Variants in HUNK observed in about 807,000 individuals in gnomAD.
HUNK encodes the protein hormonally up-regulated neu tumor-associated kinase.
A neutral mutation model predicts 61.0 loss-of-function variants in HUNK; 21 were observed. The ratio of observed to expected loss-of-function variants is 0.34; its 90% confidence interval spans 0.24 to 0.50. The LOEUF (loss-of-function observed/expected upper bound fraction) is 0.50. HUNK is among the 20% of genes least tolerant of loss of function. The pLI is 0.98. For synonymous variants in HUNK, 371 were observed against 386.1 expected (o/e 0.96, Z 0.46); for missense variants, 772 against 945.7 (o/e 0.82, Z 2.41).
intron 4 of HUNK, among the ~76,000 whole-genome samples, chr21:31,951,662 A>AG: frequency 6.6e-6 from 1 of 152,266 alleles, no homozygotes; most frequent in Admixed American, 6.5e-5. Context: ...GGAAAAAAAA[A>AG]TCCCTGTCTC....
At chr21:31,982,328 G>A (rs568740606) in intron 7 of HUNK, among the ~76,000 whole-genome samples, 10 of 152,280 alleles carry the variant, frequency 6.6e-5, no homozygotes, top group African/African-American at 1.7e-4. Flanking sequence ...GTTTTTAACT[G>A]GAGTGAATTA....
At chr21:31,898,880 G>A (rs960152319) in intron 1 of HUNK, among the ~76,000 whole-genome samples, 2 of 152,162 alleles carry the variant, frequency 1.3e-5, no homozygotes, top group Non-Finnish European at 2.9e-5. Flanking sequence ...CAAAGCATCC[G>A]ATCAATATGC....
intron 1 of HUNK, among the ~76,000 whole-genome samples, chr21:31,921,079 G>A (rs936649052): frequency 6.7e-6 from 1 of 149,770 alleles, no homozygotes; most frequent in Non-Finnish European, 1.5e-5. Context: ...TTGAACCCGG[G>A]AGGCAGAGGT....
At chr21:31,973,140 ATTTATTATACT>A (rs919160969) in intron 6 of HUNK, among the ~76,000 whole-genome samples, 12 of 151,682 alleles carry the variant, frequency 7.9e-5, no homozygotes, top group African/African-American at 2.9e-4. Flanking sequence ...CTTTTTATTT[ATTTATTATACT>A]TTTATTATAC....
intron 8 of HUNK, among the ~76,000 whole-genome samples, chr21:31,987,349 T>G (rs930583642): frequency 1.3e-5 from 2 of 152,188 alleles, no homozygotes; most frequent in Admixed American, 6.5e-5. Context: ...CCTCGTGCTT[T>G]GCATGTCACT....
chr21:31,925,738 A>C (rs2052655153), intron 2 of HUNK, among the ~76,000 whole-genome samples: 1 of 152,200 alleles, frequency 6.6e-6, no homozygotes, highest in Non-Finnish European at 1.5e-5. Context: ...CGTTCTTGGC[A>C]ATGTTGCCAT....
intron 9 of HUNK, 27 bp from the exon 10 acceptor site, chr21:31,995,741 G>C (rs746355478): frequency 1.9e-6 from 3 of 1,593,864 alleles, no homozygotes; most frequent in Middle Eastern, 1.7e-4. Flanking sequence ...ATGTGTCTAA[G>C]TGCATATGTT....
Position 31,999,876 on chromosome 21 carries a change from A to T in HUNK, c.*692A>T, listed in dbSNP as rs548114455. On this transcript the variant is annotated 3_prime_UTR_variant, in exon 11 of 11. Coordinates refer to ENST00000270112, the MANE Select transcript of HUNK (RefSeq NM_014586.2). Reference sequence around the variant, plus strand: ...AATGATTGAATTATCTTTTCCAAAGATTTTTTTTAAATGTGATGTCGGTAA... The same window carrying T: ...AATGATTGAATTATCTTTTCCAAAGTTTTTTTTTAAATGTGATGTCGGTAA... 3.9e-5 allele frequency: 11 copies of T among 284,732 alleles called. No individual in the cohort carries two copies. Among genetic ancestry groups the T allele is most frequent in the Admixed American group, 2.6e-4 (5 of 19,402 alleles). The allele number at this position is 284,732 out of a possible 1,614,324, so 17.6% of individuals were successfully genotyped here.
intron 6 of HUNK, among the ~76,000 whole-genome samples, chr21:31,969,180 C>T (rs1179633571): frequency 1.3e-5 from 2 of 151,786 alleles, no homozygotes; most frequent in Non-Finnish European, 2.9e-5. Context: ...CCCGGCCAGT[C>T]CTTGTGTTGT....
intron 1 of HUNK, among the ~76,000 whole-genome samples, chr21:31,892,203 AGAGAGAGTGT>A (rs1568918102): frequency 7.1e-6 from 1 of 140,932 alleles, no homozygotes; most frequent in Admixed American, 7.0e-5. Flanking sequence ...AGAGAGAGAG[AGAGAGAGTGT>A]GTGTGTGTGT....
intron 1 of HUNK, among the ~76,000 whole-genome samples, chr21:31,893,150 A>G (rs2052402801): frequency 6.6e-6 from 1 of 151,538 alleles, no homozygotes; most frequent in Admixed American, 6.6e-5. Flanking sequence ...AGAATATGAG[A>G]CTCCAAGAAG....
chr21:31,939,770 T>C (rs185222951), intron 2 of HUNK, among the ~76,000 whole-genome samples: 1 of 151,042 alleles, frequency 6.6e-6, no homozygotes, highest in South Asian at 2.1e-4. Flanking sequence ...TTGCTCATAG[T>C]GTCACCAACC....
intron 8 of HUNK, among the ~76,000 whole-genome samples, chr21:31,984,713 C>T (rs2053121140): frequency 6.6e-6 from 1 of 152,148 alleles, no homozygotes; most frequent in South Asian, 2.1e-4. Context: ...CACTTTTTGC[C>T]AAGTGAGCTT....
At chr21:31,906,254 G>A (rs191017305) in intron 1 of HUNK, among the ~76,000 whole-genome samples, 28 of 151,400 alleles carry the variant, frequency 1.8e-4, no homozygotes, top group Admixed American at 1.5e-3. Context: ...GCATACCGAG[G>A]TTAAGTTTTT....
chr21:31,964,080 CA>C (rs1469948178), intron 5 of HUNK, among the ~76,000 whole-genome samples: 1 of 152,152 alleles, frequency 6.6e-6, no homozygotes, highest in Non-Finnish European at 1.5e-5. Flanking sequence ...AGCAGTTTTT[CA>C]GACTGTTACC....
rs185744015 is a variant in HUNK, at chr21:31,883,475, C to G, written c.261+9540C>G. 1.1e-4 allele frequency among the ~76,000 whole-genome samples: 16 copies of G among 152,086 alleles called. No homozygotes were observed. The East Asian group carries it at 2.3e-3, about 22-fold the overall frequency. On this transcript the variant is annotated intron_variant, in intron 1 of 10. Coordinates refer to ENST00000270112, the MANE Select transcript of HUNK (RefSeq NM_014586.2). Reference sequence around the variant, plus strand: ...GCCAATTTTCTTTTGGGGTTTTGGCCTTTTTCTTATTGATTTATAGGAGCT... The same window carrying G: ...GCCAATTTTCTTTTGGGGTTTTGGCGTTTTTCTTATTGATTTATAGGAGCT...
intron 3 of HUNK, among the ~76,000 whole-genome samples, chr21:31,944,219 A>ACAGGTGTGCGCC (rs1302730414): frequency 1.3e-5 from 2 of 152,222 alleles, no homozygotes; most frequent in African/African-American, 4.8e-5. Flanking sequence ...AGCTGGGACA[A>ACAGGTGTGCGCC]CAGGTGTGCG....
chr21:31,909,433 T>C lies in HUNK; in HGVS notation c.262-15035T>C, dbSNP rs116696178. Among the ~76,000 whole-genome samples the C allele has an allele frequency of 4.3e-3, 657 of 152,268 alleles. 1 individual carries two copies. Among genetic ancestry groups the C allele is most frequent in the African/African-American group, 0.015 (606 of 41,550 alleles). On this transcript the variant is annotated intron_variant, in intron 1 of 10. Transcript: ENST00000270112. ...CGTGGGAGGGTTTCCCAGCCCTGCG[T>C]TGGGAGCTGCCATTGTTTTTTCCTT... is the stretch of plus-strand genomic sequence containing the variant.
chr21:31,931,748 A>G (rs2052698033), intron 2 of HUNK, among the ~76,000 whole-genome samples: 1 of 151,822 alleles, frequency 6.6e-6, no homozygotes, highest in Admixed American at 6.6e-5. Flanking sequence ...TACACCATTC[A>G]GTTCTTTGGA....
Sources: gnomAD v4.1 joint callset for allele counts (sites outside exome capture counted in the v4.1 genomes callset) on GRCh38, gnomAD v4.1.1 for gene constraint, MANE v1.5 for transcripts, NCBI Gene and HGNC (gene_info 2026-07-23, HGNC 2026-07-21) for gene names.